Variants in MALRD1 observed in about 807,000 individuals in gnomAD.
MALRD1 encodes the protein MAM and LDL receptor class A domain containing 1, also known as MAM and LDL-receptor class A domain-containing protein 1.
MALRD1 carries 247 observed loss-of-function variants against 242.1 expected under a neutral mutation model. That is an observed-to-expected ratio of 1.02 (90% CI 0.92 to 1.13). The LOEUF (loss-of-function observed/expected upper bound fraction) is 1.13, where lower values mean the gene tolerates loss of function less well. Among genes scored for constraint, MALRD1 ranks in the 50% most tolerant of loss-of-function variants. The pLI is 0.00. For synonymous variants in MALRD1, 995 were observed against 866.6 expected (o/e 1.15, Z -2.60); for missense variants, 2,989 against 2,533.1 (o/e 1.18, Z -3.86).
chr10:19,377,774 T>C (rs1003368537), intron 26 of MALRD1, among the ~76,000 whole-genome samples: 6 of 152,128 alleles, frequency 3.9e-5, no homozygotes, highest in African/African-American at 1.4e-4. Context: ...GATTATTATT[T>C]CTGAGTATTT....
intron 31 of MALRD1, among the ~76,000 whole-genome samples, chr10:19,525,699 A>G (rs931322278): frequency 6.6e-6 from 1 of 152,242 alleles, no homozygotes; most frequent in Admixed American, 6.5e-5. Context: ...AAAGTGAAGT[A>G]TTAAATGAAA....
intron 39 of MALRD1, among the ~76,000 whole-genome samples, chr10:19,732,405 G>A (rs894296856): frequency 6.6e-5 from 10 of 152,094 alleles, no homozygotes; most frequent in Non-Finnish European, 1.3e-4. Context: ...TGGGATTAGA[G>A]GCGCCTGCCA....
At chr10:19,732,854 T>C (rs972161353) in intron 39 of MALRD1, among the ~76,000 whole-genome samples, 3 of 152,084 alleles carry the variant, frequency 2.0e-5, no homozygotes, top group African/African-American at 7.2e-5. Context: ...TGTGTGTGAG[T>C]GTGGTGGTGT....
chr10:19,392,332 T>G (rs1031137230), intron 28 of MALRD1, among the ~76,000 whole-genome samples: 52 of 152,258 alleles, frequency 3.4e-4, no homozygotes, highest in African/African-American at 1.3e-3. Context: ...GGTCCAAAAC[T>G]CATTTGTTTA....
At chr10:19,421,761 T>C (rs1833726458) in intron 28 of MALRD1, among the ~76,000 whole-genome samples, 1 of 152,222 alleles carries the variant, frequency 6.6e-6, no homozygotes, top group Admixed American at 6.5e-5. Context: ...CAATTAATCG[T>C]CTTTCTCTCC....
At chr10:19,213,133 T>C (rs1303924276) in intron 18 of MALRD1, among the ~76,000 whole-genome samples, 1 of 152,148 alleles carries the variant, frequency 6.6e-6, no homozygotes, top group East Asian at 1.9e-4. Context: ...AATCATGCTG[T>C]GGGGTCATAT....
At chr10:19,645,724 G>A (rs1442308196) in intron 36 of MALRD1, among the ~76,000 whole-genome samples, 2 of 151,882 alleles carry the variant, frequency 1.3e-5, no homozygotes, top group African/African-American at 4.8e-5. Flanking sequence ...TCCAGGGACT[G>A]TTGTGGGGTG....
rs374350237 is a variant in MALRD1 at position 19,447,069 on chromosome 10, GACACACACACAC to G, written c.4846-3216_4846-3205del. Among the ~76,000 whole-genome samples, 781 of 141,898 alleles carry G rather than the reference GACACACACACAC, an allele frequency of 5.5e-3. 1 individual carries two copies. Among genetic ancestry groups the G allele is most frequent in the Non-Finnish European group, 8.5e-3 (554 of 64,940 alleles). The allele number at this position is 141,898 out of a possible 152,430, so 93.1% of individuals were successfully genotyped here. ...ACACACACACACACACACATACACA[GACACACACACAC>G]ACACACACACACACACACACAGAGC... is the stretch of plus-strand genomic sequence containing the variant. On this transcript the variant is annotated intron_variant, in intron 28 of 39. Transcript: ENST00000454679.
chr10:19,205,761 G>C (rs771757633), intron 17 of MALRD1, among the ~76,000 whole-genome samples: 7 of 152,080 alleles, frequency 4.6e-5, no homozygotes, highest in Non-Finnish European at 8.8e-5. Context: ...GAAGGGGAAA[G>C]AGGGCCCAAA....
intron 18 of MALRD1, among the ~76,000 whole-genome samples, chr10:19,247,174 T>A (rs1281896281): frequency 2.0e-5 from 3 of 152,066 alleles, no homozygotes; most frequent in Non-Finnish European, 2.9e-5. Context: ...GGAGTTTTTT[T>A]AAATAGAAAA....
chr10:19,049,118 T>C lies in MALRD1; in HGVS notation c.180T>C (p.Asp60=), dbSNP rs994695709. 20 of 1,233,766 alleles carry C rather than the reference T, an allele frequency of 1.6e-5. No homozygotes were observed. The highest frequency in any genetic ancestry group is 3.1e-5 in the African/African-American group (2 of 64,480). The allele number at this position is 1,233,766 out of a possible 1,614,324, so 76.4% of individuals were successfully genotyped here. A position where few individuals can be genotyped will look rare whatever the true frequency, so the allele number is the denominator to read the frequency against. The stretch of plus-strand genomic sequence containing the variant: ...GTGACTTCACAGATCAGTGTGGGGA[T>C]AGCAGTGATGAACGGCACTGTAAGT... The part of the protein sequence containing the change: ...SICDFTDQCG[D]SSDERHCLNY... Residue 60 remains aspartate, a synonymous_variant, in exon 1 of 40, where the codon GAT becomes GAC. Transcript: ENST00000454679.
At chr10:19,336,580 A>G (rs1043234955) in intron 24 of MALRD1, among the ~76,000 whole-genome samples, 17 of 152,190 alleles carry the variant, frequency 1.1e-4, no homozygotes, top group Admixed American at 3.3e-4. Flanking sequence ...GAGATCAATG[A>G]CAAGACAATG....
intron 24 of MALRD1, among the ~76,000 whole-genome samples, chr10:19,341,904 A>G (rs547644549): frequency 1.3e-5 from 2 of 151,692 alleles, no homozygotes; most frequent in Admixed American, 6.6e-5. Context: ...TTCACCACCC[A>G]CTTTATCCCT....
intron 8 of MALRD1, among the ~76,000 whole-genome samples, chr10:19,129,647 C>A (rs1194208312): frequency 6.6e-6 from 1 of 151,496 alleles, no homozygotes; most frequent in Non-Finnish European, 1.5e-5. Context: ...CCATTAACAT[C>A]CCTATTGATT....
chr10:19,069,209 C>G (rs1835067234), intron 2 of MALRD1, among the ~76,000 whole-genome samples: 1 of 151,880 alleles, frequency 6.6e-6, no homozygotes, highest in South Asian at 2.1e-4. Context: ...ATTATTATTT[C>G]CTAATTTGGG....
At chr10:19,185,633 A>T (rs1187596946) in intron 14 of MALRD1, among the ~76,000 whole-genome samples, 1 of 152,224 alleles carries the variant, frequency 6.6e-6, no homozygotes, top group African/African-American at 2.4e-5. Context: ...GATGCATAAT[A>T]GAGACAAAGT....
At chr10:19,152,237 G>A (rs938313108) in intron 11 of MALRD1, among the ~76,000 whole-genome samples, 3 of 152,160 alleles carry the variant, frequency 2.0e-5, no homozygotes, top group Admixed American at 6.6e-5. Context: ...TTGGCTCATT[G>A]TTTAGAGCAG....
chr10:19,648,892 C>G (rs1415553561), intron 36 of MALRD1, among the ~76,000 whole-genome samples: 1 of 152,144 alleles, frequency 6.6e-6, no homozygotes, highest in Non-Finnish European at 1.5e-5. Context: ...CCTCCCTCCT[C>G]TCACCCACCT....
intron 33 of MALRD1, among the ~76,000 whole-genome samples, chr10:19,585,452 C>G (rs901387171): frequency 6.6e-6 from 1 of 151,984 alleles, no homozygotes; most frequent in African/African-American, 2.4e-5. Flanking sequence ...ATTTGCTTGT[C>G]TGTAAAGTAT....
Sources: allele counts gnomAD v4.1 joint callset (sites outside exome capture counted in the v4.1 genomes callset), GRCh38; gene constraint gnomAD v4.1.1; transcripts MANE v1.5; gene names NCBI Gene and HGNC (gene_info 2026-07-23, HGNC 2026-07-21).